The following SNX29 variants were observed in gnomAD, a reference collection of about 807,000 sequenced individuals.
The protein encoded by SNX29 is sorting nexin 29, also known as sorting nexin-29.
In SNX29, 78 loss-of-function variants were observed where a neutral mutation model predicts 102.1. The observed-to-expected ratio is 0.76, with a 90% confidence interval of 0.64 to 0.92. The LOEUF (loss-of-function observed/expected upper bound fraction) is 0.92, where lower values mean the gene tolerates loss of function less well. SNX29 is among the 40% of genes least tolerant of loss of function. The pLI is 0.00. For synonymous variants in SNX29, 580 were observed against 414.5 expected (o/e 1.40, Z -4.85); for missense variants, 1,280 against 1,061.7 (o/e 1.21, Z -2.86).
intron 19 of SNX29, among the ~76,000 whole-genome samples, chr16:12,518,967 C>T (rs115250900): frequency 3.2e-4 from 48 of 152,270 alleles, no homozygotes; most frequent in African/African-American, 1.2e-3. Flanking sequence ...GGTCATACTG[C>T]CTGTGCAAGG....
intron 19 of SNX29, among the ~76,000 whole-genome samples, chr16:12,518,621 C>T (rs140434040): frequency 2.5e-4 from 38 of 152,306 alleles, no homozygotes; most frequent in South Asian, 2.1e-3. Flanking sequence ...TGGGTTCCAT[C>T]GCAGCACTTG....
At chr16:12,177,987 G>C (rs1441383956) in intron 13 of SNX29, among the ~76,000 whole-genome samples, 1 of 152,228 alleles carries the variant, frequency 6.6e-6, no homozygotes, top group Admixed American at 6.5e-5. Flanking sequence ...GAGATGGTTA[G>C]CTGGCTAGTG....
intron 20 of SNX29, among the ~76,000 whole-genome samples, chr16:12,555,988 GT>G (rs577174159): frequency 1.3e-5 from 2 of 151,836 alleles, no homozygotes; most frequent in Non-Finnish European, 2.9e-5. Context: ...ATTTTCAAGT[GT>G]TTTTTTTGTT....
intron 18 of SNX29, among the ~76,000 whole-genome samples, chr16:12,407,349 A>AT (rs1230975333): frequency 1.3e-5 from 2 of 148,362 alleles, no homozygotes; most frequent in African/African-American, 5.0e-5. Context: ...TTCTGTATTC[A>AT]TTTTTACATT....
intron 16 of SNX29, among the ~76,000 whole-genome samples, chr16:12,393,978 T>G (rs186992709): frequency 3.0e-4 from 46 of 152,336 alleles, no homozygotes; most frequent in Admixed American, 2.6e-3. Flanking sequence ...TCAAAACATG[T>G]GCATTTCTGT....
intron 11 of SNX29, among the ~76,000 whole-genome samples, chr16:12,089,357 C>A (rs553813466): frequency 6.6e-6 from 1 of 151,826 alleles, no homozygotes; most frequent in Non-Finnish European, 1.5e-5. Context: ...ATTAAAAAAA[C>A]CCAATAGAAA....
At chr16:12,237,619 A>G (rs967155478) in intron 14 of SNX29, among the ~76,000 whole-genome samples, 11 of 149,256 alleles carry the variant, frequency 7.4e-5, no homozygotes, top group African/African-American at 2.3e-4. Flanking sequence ...TAAAAATACA[A>G]AAATTACTGG....
intron 16 of SNX29, among the ~76,000 whole-genome samples, chr16:12,378,090 G>A (rs1472508182): frequency 1.3e-5 from 2 of 152,222 alleles, no homozygotes; most frequent in African/African-American, 2.4e-5. Flanking sequence ...TACTAAGAAA[G>A]TCCAGAGGTA....
rs377256116 is a variant in SNX29, at chr16:12,305,723, C to T, written c.1782+27687C>T. On this transcript the variant is annotated intron_variant, in intron 15 of 20. Coordinates refer to ENST00000566228, the MANE Select transcript of SNX29 (RefSeq NM_032167.5). The stretch of plus-strand genomic sequence containing the variant: ...GCCTGGGTGTTGTGTATCCAGACTC[C>T]GAAAACTTCTGAATGGTGCCATTCC... 7.9e-4 allele frequency among the ~76,000 whole-genome samples: 120 copies of T among 152,240 alleles called. 3 individuals carry two copies. In the South Asian group the frequency reaches 0.023, roughly 30 times the overall value.
chr16:12,423,467 C>G (rs2084944994), intron 18 of SNX29, among the ~76,000 whole-genome samples: 2 of 152,178 alleles, frequency 1.3e-5, no homozygotes, highest in Admixed American at 6.5e-5. Context: ...CTCAGGCAAA[C>G]CCTACGAGCA....
Position 12,572,988 on chromosome 16 carries a change from T to G in SNX29, c.*4359T>G. On this transcript the variant is annotated 3_prime_UTR_variant, in exon 21 of 21. Coordinates refer to ENST00000566228, the MANE Select transcript of SNX29 (RefSeq NM_032167.5). ...ATTTTTCAAAATATTGTGCATTAAT[T>G]CATTAAAGCTACTGTTAAATATTTG... The G allele has an allele frequency of 5.3e-6, 2 of 376,470 alleles. No homozygotes were observed. Among genetic ancestry groups the G allele is most frequent in the Non-Finnish European group, 8.0e-6 (2 of 250,126 alleles). The allele number at this position is 376,470 out of a possible 1,614,324, so 23.3% of individuals were successfully genotyped here. A position where few individuals can be genotyped will look rare whatever the true frequency, so the allele number is the denominator to read the frequency against.
chr16:12,288,248 G>A (rs1006566024), intron 15 of SNX29, among the ~76,000 whole-genome samples: 1 of 152,158 alleles, frequency 6.6e-6, no homozygotes, highest in African/African-American at 2.4e-5. Flanking sequence ...AGACATGCCC[G>A]TGGGTGCCAT....
chr16:12,356,135 GC>G (rs754710610), intron 15 of SNX29, 27 bp from the exon 16 acceptor site: 1 of 1,599,024 alleles, frequency 6.3e-7, no homozygotes, highest in South Asian at 1.1e-5. Context: ...CTGCCTCTAA[GC>G]CTCACCTTTC....
chr16:12,158,087 T>C (rs1159415456), intron 13 of SNX29, among the ~76,000 whole-genome samples: 1 of 151,822 alleles, frequency 6.6e-6, no homozygotes, highest in Non-Finnish European at 1.5e-5. Context: ...GCTGCTGCTT[T>C]TTTTTTTTTA....
chr16:12,460,856 G>A (rs1220726411), intron 18 of SNX29, among the ~76,000 whole-genome samples: 2 of 151,896 alleles, frequency 1.3e-5, no homozygotes, highest in South Asian at 2.1e-4. Flanking sequence ...AGAGAATTTC[G>A]CCATGTTGGC....
intron 20 of SNX29, among the ~76,000 whole-genome samples, chr16:12,561,807 A>G (rs1364280806): frequency 6.6e-6 from 1 of 152,122 alleles, no homozygotes; most frequent in Non-Finnish European, 1.5e-5. Context: ...CAGGGGGCTC[A>G]TTACCGCAGC....
chr16:12,099,408 T>G (rs1438066303), intron 11 of SNX29, among the ~76,000 whole-genome samples: 2 of 150,678 alleles, frequency 1.3e-5, no homozygotes, highest in Non-Finnish European at 3.0e-5. Context: ...CGTAGGGGAG[T>G]TGGGTATGTG....
At chr16:12,072,048 C>T (rs2051324690) in intron 10 of SNX29, among the ~76,000 whole-genome samples, 1 of 152,196 alleles carries the variant, frequency 6.6e-6, no homozygotes, top group Non-Finnish European at 1.5e-5. Flanking sequence ...AGTTGCTTAT[C>T]AGCTTAATGA....
At chr16:12,551,272 C>T (rs868290936) in intron 20 of SNX29, among the ~76,000 whole-genome samples, 5 of 152,160 alleles carry the variant, frequency 3.3e-5, no homozygotes, top group Non-Finnish European at 5.9e-5. Flanking sequence ...GGTTCAGACA[C>T]CGTCAAATGT....
Sources: gnomAD v4.1 joint callset for allele counts (sites outside exome capture counted in the v4.1 genomes callset) on GRCh38, gnomAD v4.1.1 for gene constraint, MANE v1.5 for transcripts, NCBI Gene and HGNC (gene_info 2026-07-23, HGNC 2026-07-21) for gene names.